The following GRM3 variants were observed in gnomAD, a reference collection of about 807,000 sequenced individuals.
GRM3 encodes glutamate metabotropic receptor 3.
In GRM3, 26 loss-of-function variants were observed where a neutral mutation model predicts 70.5. That is an observed-to-expected ratio of 0.37 (90% CI 0.27 to 0.51). The LOEUF (loss-of-function observed/expected upper bound fraction) is 0.51, where lower values mean the gene tolerates loss of function less well. GRM3 is among the 20% of genes least tolerant of loss of function. GRM3 has a pLI of 0.93. For missense variants in GRM3, 859 were observed against 1,123.8 expected (o/e 0.76, Z 3.37); for synonymous variants, 443 against 434.9 (o/e 1.02, Z -0.23).
intron 1 of GRM3, among the ~76,000 whole-genome samples, chr7:86,758,861 T>C (rs1796412249): frequency 6.6e-6 from 1 of 152,284 alleles, no homozygotes; most frequent in African/African-American, 2.4e-5. Context: ...TCACCATCCG[T>C]TTCTCAGCTC....
In GRM3 at chr7:86,690,895, T is replaced by C. The variant is rs552751513; in HGVS notation, c.-141+46023T>C. On this transcript the variant is annotated intron_variant, in intron 1 of 5. Transcript: ENST00000361669. The stretch of plus-strand genomic sequence containing the variant: ...TGTATAAAGAGCATATTCATAATTA[T>C]AGATATTTGTTATGTTTAAGATTTG... 5.3e-5 allele frequency among the ~76,000 whole-genome samples: 8 copies of C among 152,296 alleles called. No homozygotes were observed. The East Asian group carries it at 5.8e-4, about 11-fold the overall frequency.
chr7:86,679,924 T>C (rs1283555579), intron 1 of GRM3, among the ~76,000 whole-genome samples: 1 of 152,178 alleles, frequency 6.6e-6, no homozygotes, highest in Non-Finnish European at 1.5e-5. Flanking sequence ...AACTTTGTTT[T>C]CTTTCTTGTT....
At chr7:86,701,354 A>G (rs1467699203) in intron 1 of GRM3, among the ~76,000 whole-genome samples, 2 of 151,910 alleles carry the variant, frequency 1.3e-5, no homozygotes, top group Non-Finnish European at 2.9e-5. Flanking sequence ...ATAGAATCCT[A>G]ATATTACAGG....
chr7:86,667,637 GTATGCTCTAGCAA>G (rs2115880127), intron 1 of GRM3, among the ~76,000 whole-genome samples: 1 of 152,258 alleles, frequency 6.6e-6, no homozygotes, highest in African/African-American at 2.4e-5. Flanking sequence ...GTAAAACTGA[GTATGCTCTAGCAA>G]TAGAGCATAA....
In GRM3 at chr7:86,786,250, C is replaced by T. The variant is rs769260456; in HGVS notation, c.469-11C>T. ...GGTTTCTAACAAAGGTCCTTCTTCTCCCTCCCCTAGGTGGCAAACCTGCTG... is the reference window on the plus strand; with the variant it reads ...GGTTTCTAACAAAGGTCCTTCTTCTTCCTCCCCTAGGTGGCAAACCTGCTG... On this transcript the variant is annotated splice_polypyrimidine_tract_variant and intron_variant, in intron 2 of 5. Transcript: ENST00000361669. The surrounding 1 kb of genome is among the most constrained non-coding windows in gnomAD (Gnocchi z 6.0). The T allele has an allele frequency of 6.2e-7, 1 of 1,601,140 alleles. No homozygotes were observed.
chr7:86,855,376 T>A (rs1375103633), intron 5 of GRM3, among the ~76,000 whole-genome samples: 1 of 152,162 alleles, frequency 6.6e-6, no homozygotes, highest in Non-Finnish European at 1.5e-5. Context: ...GTGTGCCCCA[T>A]AGTCTTCAGA....
intron 1 of GRM3, among the ~76,000 whole-genome samples, chr7:86,645,996 G>GA (rs1562811236): frequency 5.9e-5 from 2 of 33,694 alleles, no homozygotes; most frequent in African/African-American, 1.0e-4. Context: ...GGGGGGTGGG[G>GA]GTGGGGGGGT....
intron 1 of GRM3, among the ~76,000 whole-genome samples, chr7:86,695,986 G>A (rs1391529285): frequency 3.3e-5 from 5 of 152,154 alleles, no homozygotes; most frequent in African/African-American, 1.2e-4. Flanking sequence ...TAATAAACCA[G>A]TTGCAGTAGG....
At position 86,767,236 on chromosome 7, in the gene GRM3, T is replaced by C. The variant is rs370774652; in HGVS notation, c.468+1623T>C. On this transcript the variant is annotated intron_variant, in intron 2 of 5. Transcript: ENST00000361669. Reference sequence around the variant, plus strand: ...TCAAAAAAAAAAATGTAAATAATGATAAATATATAGATAGATACATAAAAT... The same window carrying C: ...TCAAAAAAAAAAATGTAAATAATGACAAATATATAGATAGATACATAAAAT... Among the ~76,000 whole-genome samples the C allele has an allele frequency of 7.2e-5, 11 of 151,912 alleles. No individual in the cohort carries two copies. In the East Asian group the frequency reaches 1.9e-3, roughly 27 times the overall value.
rs118173566 is a variant in GRM3, at chr7:86,849,178, T to C, written c.2392-1192T>C. 4.7e-3 allele frequency among the ~76,000 whole-genome samples: 714 copies of C among 152,276 alleles called. 4 individuals carry two copies. The highest frequency in any genetic ancestry group is 7.0e-3 in the Non-Finnish European group (476 of 68,014). ...CAGAAAGAGGACAATGCTAACATCATATTATACATATACGTAGAAAACAAA... is the reference window on the plus strand; with the variant it reads ...CAGAAAGAGGACAATGCTAACATCACATTATACATATACGTAGAAAACAAA... On this transcript the variant is annotated intron_variant, in intron 4 of 5. Coordinates refer to ENST00000361669, the MANE Select transcript of GRM3 (RefSeq NM_000840.3).
At chr7:86,717,742 A>G (rs1795354576) in intron 1 of GRM3, among the ~76,000 whole-genome samples, 1 of 151,996 alleles carries the variant, frequency 6.6e-6, no homozygotes, top group Admixed American at 6.6e-5. Context: ...GTCAAGGTTT[A>G]CTAAACTCTA....
chr7:86,719,779 G>A (rs1441897263), intron 1 of GRM3, among the ~76,000 whole-genome samples: 6 of 151,998 alleles, frequency 3.9e-5, no homozygotes, highest in Admixed American at 3.9e-4. Context: ...TAGTTAGACT[G>A]GGAAATCATA....
rs190139622 is a variant in GRM3 at position 86,850,717 on chromosome 7, A to C, written c.2566+173A>C. ...TGTGCTAAGTGCTGGGGATTCAGTA[A>C]GGAGCAAAGAAGTCAAAGTTTCTGT... On this transcript the variant is annotated intron_variant, in intron 5 of 5. Transcript: ENST00000361669. Among the ~76,000 whole-genome samples, 618 of 152,274 alleles carry C rather than the reference A, an allele frequency of 4.1e-3. 2 individuals carry two copies. Among genetic ancestry groups the C allele is most frequent in the Non-Finnish European group, 6.2e-3 (425 of 68,002 alleles).
intron 1 of GRM3, among the ~76,000 whole-genome samples, chr7:86,691,328 TCCATTAAGCAG>T (rs1328572170): frequency 6.6e-6 from 1 of 152,108 alleles, no homozygotes; most frequent in Non-Finnish European, 1.5e-5. Flanking sequence ...CACTGCATTC[TCCATTAAGCAG>T]CCAAAGTGGG....
intron 4 of GRM3, among the ~76,000 whole-genome samples, chr7:86,841,512 A>G (rs1798559079): frequency 6.6e-6 from 1 of 152,122 alleles, no homozygotes; most frequent in African/African-American, 2.4e-5. Flanking sequence ...TTTTGTCTTT[A>G]TATATACATC....
intron 1 of GRM3, among the ~76,000 whole-genome samples, chr7:86,669,022 G>C (rs1212378144): frequency 1.3e-5 from 2 of 152,132 alleles, no homozygotes; most frequent in African/African-American, 4.8e-5. Flanking sequence ...ACTATCCCAA[G>C]ATAGTAAGTA....
At chr7:86,661,929 A>G (rs966330547) in intron 1 of GRM3, among the ~76,000 whole-genome samples, 1 of 151,832 alleles carries the variant, frequency 6.6e-6, no homozygotes, top group South Asian at 2.1e-4. Context: ...TGTAATTGAG[A>G]TATAATTCAA....
intron 1 of GRM3, among the ~76,000 whole-genome samples, chr7:86,714,250 C>G (rs1039659063): frequency 1.3e-5 from 2 of 151,982 alleles, no homozygotes; most frequent in Admixed American, 6.6e-5. Flanking sequence ...TCTAAGGAGA[C>G]CAGGACTGAC....
At chr7:86,832,329 C>A (rs957212880) in intron 3 of GRM3, among the ~76,000 whole-genome samples, 1 of 148,684 alleles carries the variant, frequency 6.7e-6, no homozygotes, top group Admixed American at 6.7e-5. Flanking sequence ...CAGCTCACTG[C>A]AACCCCTGCC....
Sources: gnomAD v4.1 joint callset for allele counts (sites outside exome capture counted in the v4.1 genomes callset) on GRCh38, gnomAD v4.1.1 for gene constraint, Gnocchi (gnomAD v3.1) non-coding constraint, MANE v1.5 for transcripts, NCBI Gene and HGNC (gene_info 2026-07-23, HGNC 2026-07-21) for gene names.